VRK2: variants seen among roughly 807,000 people sequenced by gnomAD.
VRK2 encodes the protein VRK serine/threonine kinase 2, also known as serine/threonine-protein kinase VRK2.
VRK2 carries 60 observed loss-of-function variants against 57.6 expected under a neutral mutation model. That is an observed-to-expected ratio of 1.04 (90% CI 0.85 to 1.29). The LOEUF (loss-of-function observed/expected upper bound fraction) is 1.29, where lower values mean the gene tolerates loss of function less well. Ranked by LOEUF, VRK2 falls within the 50% of genes most tolerant of loss-of-function variation. The pLI is 0.00. For synonymous variants in VRK2, 231 were observed against 199.2 expected, an observed-to-expected ratio of 1.16 and a Z score of -1.35; for missense variants, 705 against 588.1, an observed-to-expected ratio of 1.20 and a Z score of -2.06.
intron 1 of VRK2, chr2:58,047,486 T>C (rs1675010358): frequency 1.0e-6 from 1 of 985,012 alleles, no homozygotes; most frequent in Non-Finnish European, 1.2e-6. Context: ...TTTCGTAGAG[T>C]CTCCCTTACC....
intron 2 of VRK2, among the ~76,000 whole-genome samples, chr2:58,060,461 A>T (rs1349236870): frequency 6.6e-6 from 1 of 151,884 alleles, no homozygotes; most frequent in Non-Finnish European, 1.5e-5. Context: ...TGATCTGTTG[A>T]TATTGGCACA....
intron 2 of VRK2, among the ~76,000 whole-genome samples, chr2:58,068,040 C>G (rs1668865190): frequency 6.6e-6 from 1 of 152,060 alleles, no homozygotes; most frequent in East Asian, 1.9e-4. Context: ...AGCAATTCCC[C>G]TGCCTCAGCC....
chr2:58,053,694 G>A (rs1270196212), intron 2 of VRK2, among the ~76,000 whole-genome samples: 2 of 152,148 alleles, frequency 1.3e-5, no homozygotes, highest in Admixed American at 1.3e-4. Context: ...ACAAAGTAGT[G>A]TGTTGGAATA....
chr2:58,137,196 A>G (rs1469582062), intron 10 of VRK2, among the ~76,000 whole-genome samples: 238 of 6,288 alleles, frequency 0.038, 22 homozygotes, highest in African/African-American at 0.051. Flanking sequence ...TATGATACAT[A>G]TATATCTCAT....
chr2:58,152,511 A>G (rs886658808), intron 12 of VRK2, among the ~76,000 whole-genome samples: 34 of 152,084 alleles, frequency 2.2e-4, no homozygotes, highest in Non-Finnish European at 1.3e-4. Context: ...GAAAAGGAAA[A>G]AAAGTCTTAA....
upstream of VRK2, among the ~76,000 whole-genome samples, chr2:58,045,969 G>A (rs1400124568): frequency 6.6e-6 from 1 of 152,080 alleles, no homozygotes; most frequent in East Asian, 1.9e-4. Context: ...TCAGCCTGCC[G>A]AGTAGCTGGG....
chr2:57,944,116 A>G (rs1319365938), intron 1 of VRK2, among the ~76,000 whole-genome samples: 4 of 152,222 alleles, frequency 2.6e-5, no homozygotes, highest in Non-Finnish European at 5.9e-5. Flanking sequence ...AACAAAATCA[A>G]TGTTATAAGG....
intron 2 of VRK2, among the ~76,000 whole-genome samples, chr2:58,029,183 A>T (rs1020310820): frequency 6.6e-6 from 1 of 151,888 alleles, no homozygotes; most frequent in Non-Finnish European, 1.5e-5. Flanking sequence ...ATGAAAACTG[A>T]TTAGCTATTT....
chr2:57,934,857 A>C (rs1413902084), intron 1 of VRK2, among the ~76,000 whole-genome samples: 2 of 150,990 alleles, frequency 1.3e-5, no homozygotes, highest in Admixed American at 6.6e-5. Flanking sequence ...TACTGTTGAT[A>C]CTCTCTATTG....
chr2:58,053,355 A>G (rs1022543017), intron 2 of VRK2, among the ~76,000 whole-genome samples: 2 of 152,240 alleles, frequency 1.3e-5, no homozygotes, highest in African/African-American at 4.8e-5. Flanking sequence ...CAGATCATTT[A>G]TCCATGGACA....
intron 1 of VRK2, among the ~76,000 whole-genome samples, chr2:58,019,796 G>T (rs1287258117): frequency 6.7e-6 from 1 of 149,194 alleles, no homozygotes; most frequent in Non-Finnish European, 1.5e-5. Flanking sequence ...AAGAAATGGA[G>T]TATTGATTAG....
intron 2 of VRK2, among the ~76,000 whole-genome samples, chr2:58,075,676 G>A (rs1190111088): frequency 6.6e-6 from 1 of 152,120 alleles, no homozygotes; most frequent in Non-Finnish European, 1.5e-5. Flanking sequence ...GCCCCAGGAT[G>A]TGACCTTCAC....
At chr2:58,087,895 G>C (rs2104203788) in intron 5 of VRK2, among the ~76,000 whole-genome samples, 1 of 152,278 alleles carries the variant, frequency 6.6e-6, no homozygotes, top group East Asian at 1.9e-4. Flanking sequence ...GCTGAGGCAG[G>C]AGAATCGCTT....
At chr2:58,006,648 G>T (rs1272653536) in intron 1 of VRK2, among the ~76,000 whole-genome samples, 1 of 152,030 alleles carries the variant, frequency 6.6e-6, no homozygotes, top group Non-Finnish European at 1.5e-5. Context: ...GGATGCCAAG[G>T]GCCAAGAGGC....
intron 3 of VRK2, among the ~76,000 whole-genome samples, chr2:58,038,835 T>C (rs1025816699): frequency 6.6e-6 from 1 of 152,154 alleles, no homozygotes; most frequent in African/African-American, 2.4e-5. Flanking sequence ...CAATTTAATA[T>C]GCAAGCCTCA....
chr2:58,013,816 G>A (rs113151102), intron 1 of VRK2, among the ~76,000 whole-genome samples: 13,926 of 128,844 alleles, frequency 0.11, 701 homozygotes, highest in Admixed American at 0.14. Flanking sequence ...CGGAGATCGC[G>A]CCACAGCACT....
chr2:57,959,233 T>C lies in VRK2; in HGVS notation c.-439+51394T>C, dbSNP rs556061348. Among the ~76,000 whole-genome samples the C allele has an allele frequency of 3.3e-4, 50 of 152,282 alleles. 1 individual carries two copies. The highest frequency in any genetic ancestry group is 1.1e-3 in the African/African-American group (44 of 41,560). Reference sequence around the variant, plus strand: ...GATCTTAAATAGCACAAGGCAATTTTCATAGTTTAAAGAGAGAAGACTGTA... The same window carrying C: ...GATCTTAAATAGCACAAGGCAATTTCCATAGTTTAAAGAGAGAAGACTGTA... On this transcript the variant is annotated intron_variant, in intron 1 of 15. Coordinates refer to the VRK2 transcript ENST00000417641.
intron 2 of VRK2, among the ~76,000 whole-genome samples, chr2:58,077,822 C>G (rs1296225700): frequency 6.6e-6 from 1 of 152,056 alleles, no homozygotes. Flanking sequence ...TTCTGTTGCT[C>G]TTCCTTCTTC....
chr2:58,141,730 G>C (rs543194344), intron 11 of VRK2, among the ~76,000 whole-genome samples: 66 of 152,082 alleles, frequency 4.3e-4, no homozygotes, highest in Non-Finnish European at 5.0e-4. Context: ...AATTTTCAAA[G>C]TTTACAGATT....
Sources: gnomAD v4.1 joint callset for allele counts (sites outside exome capture counted in the v4.1 genomes callset) on GRCh38, gnomAD v4.1.1 for gene constraint, MANE v1.5 for transcripts, NCBI Gene and HGNC (gene_info 2026-07-23, HGNC 2026-07-21) for gene names.